NRXN1: variants seen among roughly 807,000 people sequenced by gnomAD.
NRXN1 encodes neurexin-1.
A neutral mutation model predicts 150.9 loss-of-function variants in NRXN1; 39 were observed. The ratio of observed to expected loss-of-function variants is 0.26; its 90% CI spans 0.20 to 0.34. NRXN1 has a LOEUF of 0.34. Among genes scored for constraint, NRXN1 ranks in the 10% least tolerant of loss-of-function variants. The pLI is 1.00. For missense variants in NRXN1, 1,815 were observed against 1,949.9 expected (o/e 0.93, Z 1.30); for synonymous variants, 924 against 757.0 (o/e 1.22, Z -3.62).
At chr2:50,686,234 T>G (rs1691214904) in intron 5 of NRXN1, among the ~76,000 whole-genome samples, 2 of 152,182 alleles carry the variant, frequency 1.3e-5, no homozygotes, top group African/African-American at 4.8e-5. Context: ...AGTGTTTTAT[T>G]TGGCAAACAT....
At chr2:50,337,315 C>T (rs1285971307) in intron 17 of NRXN1, among the ~76,000 whole-genome samples, 1 of 151,966 alleles carries the variant, frequency 6.6e-6, no homozygotes, top group African/African-American at 2.4e-5. Flanking sequence ...GAACTCCCGA[C>T]CTCAAATGAT....
intron 5 of NRXN1, among the ~76,000 whole-genome samples, chr2:50,848,355 A>G (rs898652852): frequency 6.6e-6 from 1 of 152,004 alleles, no homozygotes; most frequent in Non-Finnish European, 1.5e-5. Flanking sequence ...TTGTCCTCCT[A>G]ATGTCTATGC....
chr2:50,523,184 C>A (rs896233146), intron 12 of NRXN1, among the ~76,000 whole-genome samples: 6 of 151,826 alleles, frequency 4.0e-5, no homozygotes, highest in Non-Finnish European at 5.9e-5. Flanking sequence ...TATAAACTTT[C>A]TTTTCATTCC....
At chr2:50,713,357 C>T (rs936741357) in intron 5 of NRXN1, among the ~76,000 whole-genome samples, 1 of 151,668 alleles carries the variant, frequency 6.6e-6, no homozygotes, top group Admixed American at 6.6e-5. Context: ...AGCCCTGGAT[C>T]CATTTGGTAA....
intron 17 of NRXN1, among the ~76,000 whole-genome samples, chr2:50,254,806 TA>T (rs543092664): frequency 1.3e-3 from 199 of 152,204 alleles, no homozygotes; most frequent in Non-Finnish European, 1.9e-3. Context: ...TATCCACATT[TA>T]TTTTTTTTGT....
chr2:50,602,552 TC>T (rs1399837649), intron 8 of NRXN1, among the ~76,000 whole-genome samples: 2 of 152,172 alleles, frequency 1.3e-5, no homozygotes, highest in African/African-American at 2.4e-5. Context: ...CATTATTTTT[TC>T]CATCAAGAAA....
chr2:50,932,882 C>T (rs1687973548), intron 2 of NRXN1, among the ~76,000 whole-genome samples: 1 of 151,604 alleles, frequency 6.6e-6, no homozygotes, highest in African/African-American at 2.4e-5. Context: ...GGCAGAAAAA[C>T]CTCAGAGAAA....
chr2:50,604,989 C>T (rs1676862727), intron 8 of NRXN1, among the ~76,000 whole-genome samples: 2 of 152,186 alleles, frequency 1.3e-5, no homozygotes, highest in Non-Finnish European at 2.9e-5. Context: ...AGCACCATTA[C>T]ATACAACAGA....
At chr2:50,350,638 T>G (rs946947776) in intron 17 of NRXN1, among the ~76,000 whole-genome samples, 1 of 152,174 alleles carries the variant, frequency 6.6e-6, no homozygotes, top group African/African-American at 2.4e-5. Flanking sequence ...TGGAGAGCGA[T>G]TTGTATAAGG....
intron 2 of NRXN1, among the ~76,000 whole-genome samples, chr2:50,937,959 C>T (rs756526543): frequency 3.9e-5 from 6 of 152,116 alleles, no homozygotes; most frequent in Non-Finnish European, 5.9e-5. Flanking sequence ...TAGCTTATTG[C>T]TTCTAGGCTA....
intron 11 of NRXN1, among the ~76,000 whole-genome samples, chr2:50,529,545 G>C (rs932652001): frequency 2.0e-5 from 3 of 152,058 alleles, no homozygotes; most frequent in Admixed American, 6.6e-5. Context: ...TTGTTGGTTT[G>C]GGTTTTATTA....
chr2:49,965,263 T>G lies in NRXN1; in HGVS notation c.4129-21472A>C, dbSNP rs1676752794. Among the ~76,000 whole-genome samples the G allele has an allele frequency of 2.0e-5, 3 of 152,110 alleles. No homozygotes were observed. In the South Asian group the frequency reaches 6.2e-4, roughly 32 times the overall value. On this transcript the variant is annotated intron_variant, in intron 21 of 22. Coordinates refer to ENST00000401669, the MANE Select transcript of NRXN1 (RefSeq NM_001330078.2). ...CTAATTATTATAGACACCAGCAGGC[T>G]ATAAATATGTATATATATTTTGAGA...
intron 12 of NRXN1, among the ~76,000 whole-genome samples, chr2:50,515,156 C>G (rs993723818): frequency 2.6e-5 from 4 of 152,158 alleles, no homozygotes; most frequent in Admixed American, 2.0e-4. Context: ...ACAACCGATT[C>G]TCACAGGAAT....
At chr2:50,387,830 A>G (rs2081425024) in intron 17 of NRXN1, among the ~76,000 whole-genome samples, 1 of 152,200 alleles carries the variant, frequency 6.6e-6, no homozygotes, top group Admixed American at 6.5e-5. Flanking sequence ...AACTCCCAGG[A>G]GGCTGTGAAT....
At chr2:50,341,395 C>CT (rs2077538808) in intron 17 of NRXN1, among the ~76,000 whole-genome samples, 1 of 131,612 alleles carries the variant, frequency 7.6e-6, no homozygotes, top group Admixed American at 7.6e-5. Flanking sequence ...TTAAGTATTT[C>CT]TTAAAAAAAA....
At chr2:50,730,013 G>C (rs1697896427) in intron 5 of NRXN1, among the ~76,000 whole-genome samples, 1 of 152,102 alleles carries the variant, frequency 6.6e-6, no homozygotes, top group South Asian at 2.1e-4. Context: ...CTTTACCTTT[G>C]TCATCTTGCA....
At chr2:51,010,024 T>C (rs1268390748) in intron 2 of NRXN1, among the ~76,000 whole-genome samples, 1 of 152,006 alleles carries the variant, frequency 6.6e-6, no homozygotes, top group Non-Finnish European at 1.5e-5. Context: ...GTTACTGTGG[T>C]ATTCTCTTCT....
rs141157765 is a variant in NRXN1 at position 50,840,142 on chromosome 2, T to C, written c.832+81727A>G. On this transcript the variant is annotated intron_variant, in intron 5 of 22. Coordinates refer to ENST00000401669, the MANE Select transcript of NRXN1 (RefSeq NM_001330078.2). ...TCAGATTGAATGATATATAGTCTCA[T>C]TATTTAGATCATTATCTCTACATAA... Among the ~76,000 whole-genome samples the C allele has an allele frequency of 5.1e-3, 773 of 152,294 alleles. 6 individuals are homozygous for C. Among genetic ancestry groups the C allele is most frequent in the African/African-American group, 0.018 (737 of 41,574 alleles).
chr2:50,640,908 A>T (rs1056140219), intron 5 of NRXN1, among the ~76,000 whole-genome samples: 2 of 152,188 alleles, frequency 1.3e-5, no homozygotes, highest in African/African-American at 4.8e-5. Context: ...TTATATTCTA[A>T]AGAGAAGGTC....
Sources: allele counts gnomAD v4.1 joint callset (sites outside exome capture counted in the v4.1 genomes callset), GRCh38; gene constraint gnomAD v4.1.1; transcripts MANE v1.5; gene names NCBI Gene and HGNC (gene_info 2026-07-23, HGNC 2026-07-21).